PPP2R3A: variants seen among roughly 807,000 people sequenced by gnomAD.
The protein encoded by PPP2R3A is protein phosphatase 2 regulatory subunit B''alpha, also known as serine/threonine-protein phosphatase 2A regulatory subunit B'' subunit alpha.
In PPP2R3A, 80 loss-of-function variants were observed where a neutral mutation model predicts 106.9. The observed-to-expected ratio is 0.75, with a 90% CI of 0.62 to 0.90. The LOEUF is 0.90. PPP2R3A is among the 40% of genes least tolerant of loss of function. The pLI, the probability that PPP2R3A is intolerant of heterozygous loss-of-function variation, is 0.00. For missense variants in PPP2R3A, 1,386 were observed against 1,350.4 expected, an observed-to-expected ratio of 1.03 and a Z score of -0.41; for synonymous variants, 483 against 468.3, an observed-to-expected ratio of 1.03 and a Z score of -0.41.
intron 1 of PPP2R3A, among the ~76,000 whole-genome samples, chr3:135,987,788 C>G (rs1559853245): frequency 6.6e-6 from 1 of 152,148 alleles, no homozygotes; most frequent in Non-Finnish European, 1.5e-5. Context: ...GTAGTTATTT[C>G]AATTGGCTGT....
chr3:136,074,077 C>T (rs961978010), intron 6 of PPP2R3A, among the ~76,000 whole-genome samples: 7 of 152,110 alleles, frequency 4.6e-5, no homozygotes, highest in Non-Finnish European at 7.4e-5. Flanking sequence ...ATATAATCTT[C>T]GTGGCATACA....
intron 12 of PPP2R3A, among the ~76,000 whole-genome samples, chr3:136,105,923 A>G (rs982385850): frequency 1.3e-5 from 2 of 151,982 alleles, no homozygotes; most frequent in African/African-American, 2.4e-5. Flanking sequence ...TCGTGCCACT[A>G]TACTCCAGCC....
chr3:136,037,863 TC>T (rs1253748525), intron 3 of PPP2R3A, among the ~76,000 whole-genome samples: 1 of 151,902 alleles, frequency 6.6e-6, no homozygotes, highest in Admixed American at 6.6e-5. Context: ...TTGACTCGCC[TC>T]CCCCTCTAAA....
intron 13 of PPP2R3A, among the ~76,000 whole-genome samples, chr3:136,137,835 C>A (rs1938688944): frequency 6.6e-6 from 1 of 151,320 alleles, no homozygotes; most frequent in Admixed American, 6.6e-5. Context: ...GCCACCGCGC[C>A]CGGCCTCTGT....
intron 8 of PPP2R3A, among the ~76,000 whole-genome samples, chr3:136,085,382 TGTGA>T (rs1936900023): frequency 6.6e-6 from 1 of 152,178 alleles, no homozygotes; most frequent in Non-Finnish European, 1.5e-5. Context: ...CATGTGGAAC[TGTGA>T]GTCCATTAAA....
At chr3:136,090,729 A>G (rs1937075451) in intron 10 of PPP2R3A, 62 bp downstream of exon 10, 1 of 1,391,570 alleles carries the variant, frequency 7.2e-7, no homozygotes. Flanking sequence ...TGAAAAAGTC[A>G]TGGTGTATAT....
intron 2 of PPP2R3A, among the ~76,000 whole-genome samples, chr3:136,020,565 T>C (rs1934430675): frequency 6.8e-6 from 1 of 147,580 alleles, no homozygotes; most frequent in Admixed American, 6.7e-5. Flanking sequence ...GTAGTTTACT[T>C]TTACTAAAAC....
intron 4 of PPP2R3A, among the ~76,000 whole-genome samples, chr3:136,049,002 T>G (rs936067849): frequency 6.6e-6 from 1 of 152,098 alleles, no homozygotes; most frequent in African/African-American, 2.4e-5. Context: ...CCTTCCTGTT[T>G]CCGTTTTACC....
chr3:136,059,180 T>A (rs1935987203), intron 5 of PPP2R3A, among the ~76,000 whole-genome samples: 1 of 151,846 alleles, frequency 6.6e-6, no homozygotes, highest in Non-Finnish European at 1.5e-5. Context: ...CAAAAGAAAC[T>A]ATCAACAGAC....
chr3:136,056,795 C>A (rs1158497171), intron 5 of PPP2R3A, among the ~76,000 whole-genome samples: 2 of 151,966 alleles, frequency 1.3e-5, no homozygotes, highest in Non-Finnish European at 2.9e-5. Context: ...AGAAAATCTA[C>A]AGAATGGTAG....
intron 13 of PPP2R3A, among the ~76,000 whole-genome samples, chr3:136,143,289 G>A (rs764118597): frequency 6.6e-6 from 1 of 152,148 alleles, no homozygotes; most frequent in Non-Finnish European, 1.5e-5. Context: ...AGGAGTTGAA[G>A]ACCAGCCTGG....
At chr3:136,114,459 G>A (rs1937662299) in intron 13 of PPP2R3A, among the ~76,000 whole-genome samples, 1 of 152,198 alleles carries the variant, frequency 6.6e-6, no homozygotes, top group Non-Finnish European at 1.5e-5. Context: ...CTGGAAGGGG[G>A]CTCAACCCAG....
chr3:136,120,311 G>A (rs1305692722), intron 13 of PPP2R3A, among the ~76,000 whole-genome samples: 1 of 152,076 alleles, frequency 6.6e-6, no homozygotes, highest in African/African-American at 2.4e-5. Context: ...CCTCTGGTCG[G>A]GTGCAGTGGG....
chr3:136,130,361 T>C (rs553347222), intron 13 of PPP2R3A, among the ~76,000 whole-genome samples: 1 of 152,280 alleles, frequency 6.6e-6, no homozygotes, highest in East Asian at 1.9e-4. Flanking sequence ...CAGGCATTCC[T>C]ATCTACCAAT....
chr3:135,973,586 G>GT (rs1937306885), intron 1 of PPP2R3A, among the ~76,000 whole-genome samples: 1 of 152,170 alleles, frequency 6.6e-6, no homozygotes, highest in African/African-American at 2.4e-5. Flanking sequence ...GAATTCTGTT[G>GT]CTATTCCTCA....
chr3:136,085,995 T>C (rs961698024), intron 8 of PPP2R3A, among the ~76,000 whole-genome samples: 1 of 152,044 alleles, frequency 6.6e-6, no homozygotes, highest in African/African-American at 2.4e-5. Context: ...TCAGATGTGG[T>C]AGCACATGCC....
At chr3:136,000,180 G>GCAT (rs771870985) in intron 1 of PPP2R3A, among the ~76,000 whole-genome samples, 16 of 152,038 alleles carry the variant, frequency 1.1e-4, no homozygotes, top group Non-Finnish European at 1.8e-4. Flanking sequence ...CCCTTGCCCT[G>GCAT]CATCATTTTT....
At chr3:136,011,590 A>G (rs1934077096) in intron 2 of PPP2R3A, among the ~76,000 whole-genome samples, 1 of 152,178 alleles carries the variant, frequency 6.6e-6, no homozygotes, top group Admixed American at 6.5e-5. Context: ...AGGCTTCCCA[A>G]TATGATCATC....
At chr3:135,966,137 G>A (rs560034571) in intron 1 of PPP2R3A, among the ~76,000 whole-genome samples, 1 of 152,278 alleles carries the variant, frequency 6.6e-6, no homozygotes, top group African/African-American at 2.4e-5. Context: ...GGCGCCCGCG[G>A]AGGAGGGTAG....
Sources: allele counts gnomAD v4.1 joint callset (sites outside exome capture counted in the v4.1 genomes callset), GRCh38; gene constraint gnomAD v4.1.1; transcripts MANE v1.5; gene names NCBI Gene and HGNC (gene_info 2026-07-23, HGNC 2026-07-21).